The following PCSK2 variants were observed in gnomAD, a reference collection of about 807,000 sequenced individuals.
PCSK2 encodes proprotein convertase subtilisin/kexin type 2.
A neutral mutation model predicts 69.7 loss-of-function variants in PCSK2; 14 were observed. The observed-to-expected ratio is 0.20, with a 90% confidence interval of 0.13 to 0.31. The LOEUF (loss-of-function observed/expected upper bound fraction) is 0.31, where lower values mean the gene tolerates loss of function less well. Among genes scored for constraint, PCSK2 ranks in the 10% least tolerant of loss-of-function variants. PCSK2 has a pLI of 1.00. For synonymous variants in PCSK2, 307 were observed against 320.7 expected (o/e 0.96, Z 0.46); for missense variants, 544 against 842.5 (o/e 0.65, Z 4.39).
chr20:17,429,403 C>T (rs1392371000), intron 6 of PCSK2, 32 bp from the exon 7 acceptor site: 1 of 1,546,142 alleles, frequency 6.5e-7, no homozygotes, highest in Non-Finnish European at 8.9e-7. Flanking sequence ...CGTTTCACTG[C>T]ATATCTAATG....
intron 6 of PCSK2, among the ~76,000 whole-genome samples, chr20:17,424,395 C>G (rs61491461): frequency 0.11 from 16,607 of 152,176 alleles, 1,087 homozygotes; most frequent in Middle Eastern, 0.25. Flanking sequence ...ATTTAGTACA[C>G]TTGTTACCTC....
At chr20:17,388,588 T>C (rs1328899537) in intron 5 of PCSK2, among the ~76,000 whole-genome samples, 2 of 151,890 alleles carry the variant, frequency 1.3e-5, no homozygotes, top group Non-Finnish European at 2.9e-5. Flanking sequence ...AAAAACACAA[T>C]CACTTAGCGC....
At chr20:17,433,203 G>A (rs145650949) in intron 7 of PCSK2, among the ~76,000 whole-genome samples, 8 of 152,324 alleles carry the variant, frequency 5.3e-5, no homozygotes, top group African/African-American at 1.4e-4. Context: ...TGAAAATGCC[G>A]TGAAATTTCT....
At chr20:17,414,985 GC>G (rs1300526263) in intron 6 of PCSK2, among the ~76,000 whole-genome samples, 4 of 152,076 alleles carry the variant, frequency 2.6e-5, no homozygotes, top group African/African-American at 4.8e-5. Context: ...AAATTCAACA[GC>G]CCTTCATGCT....
intron 1 of PCSK2, among the ~76,000 whole-genome samples, chr20:17,257,878 C>T (rs535930565): frequency 6.6e-6 from 1 of 152,292 alleles, no homozygotes; most frequent in South Asian, 2.1e-4. Context: ...CAATGGACAT[C>T]TTATTCCCTA....
In PCSK2 at chr20:17,384,858, G is replaced by A. The variant is rs142930269; in HGVS notation, c.543+15581G>A. On this transcript the variant is annotated intron_variant, in intron 5 of 11. Coordinates refer to ENST00000262545, the MANE Select transcript of PCSK2 (RefSeq NM_002594.5). The stretch of plus-strand genomic sequence containing the variant: ...AGACGGGAGGATCTATTGAGCCTAA[G>A]TCGAAGCTACGGTGAGCCACAATCA... 2.8e-3 allele frequency among the ~76,000 whole-genome samples: 423 copies of A among 152,208 alleles called. 5 individuals are homozygous for A. Among genetic ancestry groups the A allele is most frequent in the African/African-American group, 9.3e-3 (384 of 41,506 alleles).
At chr20:17,309,548 C>T (rs555400476) in intron 2 of PCSK2, among the ~76,000 whole-genome samples, 5 of 152,128 alleles carry the variant, frequency 3.3e-5, no homozygotes, top group Admixed American at 1.3e-4. Flanking sequence ...CTGGGCATGG[C>T]GGCTCATGCC....
At chr20:17,332,631 A>G (rs1344949317) in intron 2 of PCSK2, among the ~76,000 whole-genome samples, 1 of 152,174 alleles carries the variant, frequency 6.6e-6, no homozygotes, top group Non-Finnish European at 1.5e-5. Context: ...GACTTACGGA[A>G]TCACAAACTC....
At chr20:17,232,978 A>T (rs1054556726) in intron 1 of PCSK2, among the ~76,000 whole-genome samples, 1 of 152,188 alleles carries the variant, frequency 6.6e-6, no homozygotes, top group Non-Finnish European at 1.5e-5. Context: ...GATCGAATCC[A>T]AGCTAATCCC....
intron 2 of PCSK2, among the ~76,000 whole-genome samples, chr20:17,315,825 G>T (rs1471126630): frequency 3.3e-5 from 5 of 152,190 alleles, no homozygotes; most frequent in African/African-American, 1.2e-4. Context: ...ATTCTGTCCC[G>T]GTGCTTCACC....
chr20:17,339,291 A>G (rs1990442176), intron 2 of PCSK2, among the ~76,000 whole-genome samples: 2 of 152,242 alleles, frequency 1.3e-5, no homozygotes, highest in South Asian at 4.1e-4. Context: ...AACAGAAATC[A>G]GTGAACTCCA....
intron 5 of PCSK2, among the ~76,000 whole-genome samples, chr20:17,388,620 A>C (rs1176971682): frequency 6.6e-6 from 1 of 152,086 alleles, no homozygotes; most frequent in Non-Finnish European, 1.5e-5. Flanking sequence ...GGCACCTCAT[A>C]AGTTCAGGCA....
intron 1 of PCSK2, among the ~76,000 whole-genome samples, chr20:17,232,817 T>C (rs1365613090): frequency 6.6e-6 from 1 of 152,234 alleles, no homozygotes; most frequent in Non-Finnish European, 1.5e-5. Context: ...CATATAGATT[T>C]GATCATAAGC....
At chr20:17,364,839 C>T (rs1281421211) in intron 4 of PCSK2, among the ~76,000 whole-genome samples, 1 of 152,166 alleles carries the variant, frequency 6.6e-6, no homozygotes, top group African/African-American at 2.4e-5. Context: ...TCTGAAGGCC[C>T]CGCTGGGCTG....
intron 6 of PCSK2, among the ~76,000 whole-genome samples, chr20:17,411,092 C>G (rs2031861039): frequency 6.6e-6 from 1 of 152,114 alleles, no homozygotes; most frequent in South Asian, 2.1e-4. Context: ...AAAAATACTC[C>G]TTAAAAAAAC....
rs1032620738 is a variant in PCSK2 at position 17,432,228 on chromosome 20, C to T, written c.709+2705C>T. 3.3e-5 allele frequency among the ~76,000 whole-genome samples: 5 copies of T among 152,158 alleles called. No homozygotes were observed. The East Asian group carries it at 5.8e-4, about 18-fold the overall frequency. On this transcript the variant is annotated intron_variant, in intron 7 of 11. Transcript: ENST00000262545. ...CTCATTTTTCCATCAAGGCTCCTGT[C>T]TTTTTCTTGTTGATTTGTAGGCATT...
In PCSK2 at chr20:17,482,005, G is replaced by T; in HGVS notation, c.1852G>T (p.Glu618Ter). 6.2e-7 allele frequency: 1 copy of T among 1,612,182 alleles called. No individual in the cohort carries two copies. The highest frequency in any genetic ancestry group is 8.5e-7 in the Non-Finnish European group (1 of 1,179,644). ...QSKLAMSKKE[E>*]LEEELDEAVE... Reference sequence around the variant, plus strand: ...CAAGTTGGCCATGTCCAAGAAAGAGGAGCTGGAGGAAGAGCTGGACGAAGC... The same window carrying T: ...CAAGTTGGCCATGTCCAAGAAAGAGTAGCTGGAGGAAGAGCTGGACGAAGC... Residue 618 changes from glutamate (E) to a stop codon, truncating the protein, a stop_gained, in exon 12 of 12, where the codon GAG becomes TAG. Coordinates refer to ENST00000262545, the MANE Select transcript of PCSK2 (RefSeq NM_002594.5). LOFTEE classifies it high-confidence loss of function.
chr20:17,444,261 A>G (rs2032653829), intron 8 of PCSK2, among the ~76,000 whole-genome samples: 1 of 152,190 alleles, frequency 6.6e-6, no homozygotes, highest in Admixed American at 6.6e-5. Context: ...AATGATTAAA[A>G]GGAAGAGAAC....
intron 8 of PCSK2, among the ~76,000 whole-genome samples, chr20:17,448,359 C>A (rs899172644): frequency 2.6e-5 from 4 of 152,170 alleles, no homozygotes; most frequent in African/African-American, 9.7e-5. Context: ...GGGGACACAG[C>A]AAGCCACTGC....
Sources: allele counts gnomAD v4.1 joint callset (sites outside exome capture counted in the v4.1 genomes callset), GRCh38; gene constraint gnomAD v4.1.1; transcripts MANE v1.5; gene names NCBI Gene and HGNC (gene_info 2026-07-23, HGNC 2026-07-21).